The following DGKB variants were observed in gnomAD, a reference collection of about 807,000 sequenced individuals.
DGKB encodes the protein 90 kDa diacylglycerol kinase.
Under a neutral mutation model 114.3 loss-of-function variants are expected in DGKB, and 67 were observed. The ratio of observed to expected loss-of-function variants is 0.59; its 90% CI spans 0.48 to 0.72. The LOEUF (loss-of-function observed/expected upper bound fraction) is 0.72, where lower values mean the gene tolerates loss of function less well. Among genes scored for constraint, DGKB ranks in the 30% least tolerant of loss-of-function variants. DGKB has a pLI of 0.00. For missense variants in DGKB, 907 were observed against 975.2 expected (o/e 0.93, Z 0.93); for synonymous variants, 398 against 323.1 (o/e 1.23, Z -2.49).
intron 23 of DGKB, among the ~76,000 whole-genome samples, chr7:14,214,616 A>G (rs1271607388): frequency 6.6e-6 from 1 of 152,094 alleles, no homozygotes; most frequent in Non-Finnish European, 1.5e-5. Context: ...ATTAATTAGA[A>G]AAAATAATCT....
At chr7:14,393,989 A>G (rs13233118) in intron 21 of DGKB, among the ~76,000 whole-genome samples, 31,334 of 152,098 alleles carry the variant, frequency 0.21, 3,577 homozygotes, top group African/African-American at 0.3. Context: ...TAAAAAGAAA[A>G]AAAAAAAGTA....
intron 2 of DGKB, among the ~76,000 whole-genome samples, chr7:14,761,222 C>T (rs1262255820): frequency 6.6e-6 from 1 of 152,116 alleles, no homozygotes; most frequent in Non-Finnish European, 1.5e-5. Context: ...TTCTCTAAGG[C>T]TGAGGCCCTG....
chr7:14,962,395 T>C (rs531616245), intron 1 of DGKB, among the ~76,000 whole-genome samples: 1 of 152,274 alleles, frequency 6.6e-6, no homozygotes, highest in African/African-American at 2.4e-5. Context: ...TGTTGCCTTT[T>C]TTAAAGATCA....
intron 23 of DGKB, among the ~76,000 whole-genome samples, chr7:14,226,481 T>G (rs568278366): frequency 1.3e-5 from 2 of 152,170 alleles, no homozygotes; most frequent in East Asian, 1.9e-4. Context: ...TAGTAATATA[T>G]TCTTTAAAAT....
At chr7:14,889,280 A>T (rs1214743905) in intron 1 of DGKB, among the ~76,000 whole-genome samples, 2 of 151,684 alleles carry the variant, frequency 1.3e-5, no homozygotes, top group Non-Finnish European at 3.0e-5. Context: ...CCAGCATTCC[A>T]TGTAGAGGGA....
intron 2 of DGKB, among the ~76,000 whole-genome samples, chr7:14,759,974 C>G (rs1234416944): frequency 4.6e-5 from 7 of 152,134 alleles, no homozygotes; most frequent in Admixed American, 1.3e-4. Context: ...TGAAATGATT[C>G]GACTCACATC....
At chr7:14,923,592 C>A (rs2058282) in intron 1 of DGKB, among the ~76,000 whole-genome samples, 13,412 of 152,116 alleles carry the variant, frequency 0.088, 886 homozygotes, top group East Asian at 0.18. Context: ...TTATTTCCTC[C>A]TTGAAACATT....
intron 1 of DGKB, among the ~76,000 whole-genome samples, chr7:14,881,098 A>G (rs983867288): frequency 2.0e-5 from 3 of 152,198 alleles, no homozygotes; most frequent in African/African-American, 7.2e-5. Context: ...ATGACAATTT[A>G]TAAGAAACCA....
Position 14,392,995 on chromosome 7 carries a change from G to GTTTTTTTGTTTTTTTTTTTTT in DGKB, c.1836-47605_1836-47604insAAAAAAAAAAAAACAAAAAAA, listed in dbSNP as rs1554404750. On this transcript the variant is annotated intron_variant, in intron 21 of 25. Coordinates refer to ENST00000402815, the MANE Select transcript of DGKB (RefSeq NM_001350709.2). ...CAAAACAGACCTGTTTTTTGTTTTT[G>GTTTTTTTGTTTTTTTTTTTTT]TTTTTTTTTTTTTGAGACGGAGTCT... 1.4e-3 allele frequency among the ~76,000 whole-genome samples: 84 copies of GTTTTTTTGTTTTTTTTTTTTT among 60,544 alleles called. 5 individuals carry two copies. Among genetic ancestry groups the GTTTTTTTGTTTTTTTTTTTTT allele is most frequent in the South Asian group, 5.8e-3 (7 of 1,210 alleles). The allele number at this position is 60,544 out of a possible 152,430, so 39.7% of individuals were successfully genotyped here. A position where few individuals can be genotyped will look rare whatever the true frequency, so the allele number is the denominator to read the frequency against.
At chr7:14,238,624 T>C (rs1055130157) in intron 23 of DGKB, among the ~76,000 whole-genome samples, 1 of 151,818 alleles carries the variant, frequency 6.6e-6, no homozygotes, top group Non-Finnish European at 1.5e-5. Context: ...ATTCTGAAAA[T>C]GGTACAGGAC....
At chr7:14,936,570 T>G (rs1785281574) in intron 1 of DGKB, among the ~76,000 whole-genome samples, 1 of 152,154 alleles carries the variant, frequency 6.6e-6, no homozygotes, top group African/African-American at 2.4e-5. Flanking sequence ...ATTTTTCATG[T>G]CTTCAAAAAG....
At chr7:14,365,577 A>G (rs1343295720) in intron 21 of DGKB, among the ~76,000 whole-genome samples, 2 of 152,062 alleles carry the variant, frequency 1.3e-5, no homozygotes, top group Non-Finnish European at 2.9e-5. Context: ...ATTATTAATC[A>G]TTATATTTTT....
intron 24 of DGKB, among the ~76,000 whole-genome samples, chr7:14,177,350 T>C (rs1353857282): frequency 6.6e-6 from 1 of 151,854 alleles, no homozygotes; most frequent in Non-Finnish European, 1.5e-5. Context: ...AGGTCAGTAG[T>C]TTGAAACCAG....
chr7:14,597,767 T>C (rs905689100), intron 17 of DGKB, among the ~76,000 whole-genome samples: 2 of 152,146 alleles, frequency 1.3e-5, no homozygotes, highest in Admixed American at 1.3e-4. Flanking sequence ...ATTATTATTT[T>C]GGTCCAGAAG....
At chr7:14,335,524 A>G (rs1583259752) in intron 23 of DGKB, among the ~76,000 whole-genome samples, 1 of 152,170 alleles carries the variant, frequency 6.6e-6, no homozygotes, top group East Asian at 1.9e-4. Flanking sequence ...TATTTTAAGA[A>G]AGAACAAGAA....
At chr7:14,867,486 T>C (rs1284357595) in intron 1 of DGKB, among the ~76,000 whole-genome samples, 6 of 152,128 alleles carry the variant, frequency 3.9e-5, no homozygotes, top group Non-Finnish European at 8.8e-5. Context: ...TTAATGTGGA[T>C]GTTCATTTGT....
rs189804128 is a variant in DGKB, at chr7:14,864,984, T to C, written c.-187-23534A>G. Among the ~76,000 whole-genome samples the C allele has an allele frequency of 8.9e-4, 136 of 152,234 alleles. 1 individual carries two copies. The highest frequency in any genetic ancestry group is 2.4e-4 in the Non-Finnish European group (16 of 68,006). On this transcript the variant is annotated intron_variant, in intron 1 of 25. Coordinates refer to ENST00000402815, the MANE Select transcript of DGKB (RefSeq NM_001350709.2). ...TAATGAGAATGCCTTGCATGGGTAC[T>C]AGAAGAGACATATTAAGAGTAGACG...
upstream of DGKB, among the ~76,000 whole-genome samples, chr7:14,908,050 T>C (rs143612592): frequency 7.9e-4 from 121 of 152,332 alleles, no homozygotes; most frequent in African/African-American, 2.8e-3. Context: ...AGCCCAGCCA[T>C]TTATTTGGCT....
At chr7:14,683,554 T>G (rs1020184199) in intron 10 of DGKB, among the ~76,000 whole-genome samples, 1 of 152,148 alleles carries the variant, frequency 6.6e-6, no homozygotes, top group African/African-American at 2.4e-5. Flanking sequence ...CTTCAAATTC[T>G]TTATGGTTTG....
Sources: allele counts gnomAD v4.1 joint callset (sites outside exome capture counted in the v4.1 genomes callset), GRCh38; gene constraint gnomAD v4.1.1; transcripts MANE v1.5; gene names NCBI Gene and HGNC (gene_info 2026-07-23, HGNC 2026-07-21).